ZBTB20: variants seen among roughly 807,000 people sequenced by gnomAD.
ZBTB20 encodes the protein zinc finger and BTB domain containing 20, also known as zinc finger and BTB domain-containing protein 20.
Under a neutral mutation model 56.9 loss-of-function variants are expected in ZBTB20, and 9 were observed. The observed-to-expected ratio is 0.16, with a 90% CI of 0.10 to 0.28. The LOEUF (loss-of-function observed/expected upper bound fraction) is 0.28. Among genes scored for constraint, ZBTB20 ranks in the 10% least tolerant of loss-of-function variants. The pLI is 1.00. For missense variants in ZBTB20, 655 were observed against 1,003.0 expected (o/e 0.65, Z 4.69); for synonymous variants, 417 against 420.7 (o/e 0.99, Z 0.11).
At position 114,327,518 on chromosome 3, in the gene ZBTB20, A is replaced by C. The variant is rs1192377398; in HGVS notation, c.*11487T>G. Reference sequence around the variant, plus strand: ...TAGGATTGATTGGGAGAACATTCCAAGTGAAGATCATAGTCCTAAGCAATG... The same window carrying C: ...TAGGATTGATTGGGAGAACATTCCACGTGAAGATCATAGTCCTAAGCAATG... On this transcript the variant is annotated 3_prime_UTR_variant, in exon 12 of 12. Coordinates refer to ENST00000675478, the MANE Select transcript of ZBTB20 (RefSeq NM_001348800.3). 6.6e-6 allele frequency: 1 copy of C among 152,192 alleles called. No homozygotes were observed. 9.4% of individuals were successfully genotyped at this position (152,192 alleles called of 1,614,324 possible). A position where few individuals can be genotyped will look rare whatever the true frequency, so the allele number is the denominator to read the frequency against.
At chr3:114,965,209 GTTTT>G (rs1424465151) in intron 3 of ZBTB20, among the ~76,000 whole-genome samples, 2 of 151,980 alleles carry the variant, frequency 1.3e-5, no homozygotes, top group Non-Finnish European at 2.9e-5. Flanking sequence ...TGTTGTTTTT[GTTTT>G]TTAAATTTTA....
At chr3:114,622,948 G>A (rs777941111) in intron 6 of ZBTB20, among the ~76,000 whole-genome samples, 1 of 152,166 alleles carries the variant, frequency 6.6e-6, no homozygotes, top group Non-Finnish European at 1.5e-5. Context: ...AACCATATTG[G>A]CGACATCAAA....
chr3:114,979,329 C>A (rs2108078064), intron 2 of ZBTB20, among the ~76,000 whole-genome samples: 1 of 152,072 alleles, frequency 6.6e-6, no homozygotes, highest in South Asian at 2.1e-4. Context: ...TGCTCCAAAT[C>A]AGTTTTGGAA....
Position 114,969,862 on chromosome 3 carries a change from T to C in ZBTB20, c.-456+4504A>G, listed in dbSNP as rs143626195. ...CCAATACTTCATGTACCAAGAGATTTTTCTGATACATGTAAATATGCATAG... is the reference window on the plus strand; with the variant it reads ...CCAATACTTCATGTACCAAGAGATTCTTCTGATACATGTAAATATGCATAG... On this transcript the variant is annotated intron_variant, in intron 3 of 11. Transcript: ENST00000675478. 6.6e-5 allele frequency among the ~76,000 whole-genome samples: 10 copies of C among 152,346 alleles called. No individual in the cohort carries two copies. In the East Asian group the frequency reaches 1.9e-3, roughly 29 times the overall value.
At chr3:114,405,100 C>A (rs1329659546) in intron 7 of ZBTB20, among the ~76,000 whole-genome samples, 1 of 151,926 alleles carries the variant, frequency 6.6e-6, no homozygotes, top group African/African-American at 2.4e-5. Flanking sequence ...AAAAAAAAAT[C>A]CTAGCTTTAA....
intron 5 of ZBTB20, among the ~76,000 whole-genome samples, chr3:114,778,175 A>G (rs1381096769): frequency 6.7e-6 from 1 of 150,282 alleles, no homozygotes; most frequent in African/African-American, 2.4e-5. Context: ...CAGCACACCA[A>G]CATGGCACAT....
chr3:114,624,358 CAAA>C (rs368690191), intron 6 of ZBTB20, among the ~76,000 whole-genome samples: 1 of 123,068 alleles, frequency 8.1e-6, no homozygotes. Flanking sequence ...GTAAGAGAAA[CAAA>C]AAAAAAAAAA....
At chr3:114,655,764 C>G (rs2060378287) in intron 6 of ZBTB20, among the ~76,000 whole-genome samples, 1 of 152,108 alleles carries the variant, frequency 6.6e-6, no homozygotes. Flanking sequence ...TTACTGCCAC[C>G]CAGTACTTTG....
At chr3:114,558,490 T>C (rs2051551817) in intron 6 of ZBTB20, among the ~76,000 whole-genome samples, 1 of 152,098 alleles carries the variant, frequency 6.6e-6, no homozygotes, top group Non-Finnish European at 1.5e-5. Context: ...ACATGCTACA[T>C]GATTCATCTC....
Position 114,380,238 on chromosome 3 carries a change from C to A in ZBTB20, c.178G>T (p.Ala60Ser), listed in dbSNP as rs1484611510. ...TCACAATCAGATGACCCGGTGTGAG[C>A]GTGAGAGTTTGTCAGTGAATGTGTT... ...HSTHSLTNSH[A>S]HTGSSDCDIS... is the part of the protein sequence containing the mutation. The change falls in exon 10 of 12, where the codon GCT becomes TCT. Residue 60 changes from alanine to serine, a missense_variant. Coordinates refer to ENST00000675478, the MANE Select transcript of ZBTB20 (RefSeq NM_001348800.3). 6.5e-7 allele frequency: 1 copy of A among 1,536,670 alleles called. No homozygotes were observed. The highest frequency in any genetic ancestry group is 8.7e-7 in the Non-Finnish European group (1 of 1,146,656).
intron 5 of ZBTB20, among the ~76,000 whole-genome samples, chr3:114,730,935 A>G (rs951845141): frequency 1.2e-4 from 18 of 152,240 alleles, no homozygotes; most frequent in Non-Finnish European, 2.1e-4. Flanking sequence ...CAAGGATTCA[A>G]TAAGTGGCAT....
intron 6 of ZBTB20, among the ~76,000 whole-genome samples, chr3:114,539,734 C>T (rs2048893199): frequency 6.6e-6 from 1 of 152,044 alleles, no homozygotes; most frequent in South Asian, 2.1e-4. Context: ...AGGCTATACC[C>T]ACCCTTCCAG....
At chr3:114,558,083 T>A (rs1475752301) in intron 6 of ZBTB20, among the ~76,000 whole-genome samples, 1 of 152,054 alleles carries the variant, frequency 6.6e-6, no homozygotes, top group Non-Finnish European at 1.5e-5. Flanking sequence ...TCATTCAAAT[T>A]ACATTACCTA....
intron 6 of ZBTB20, among the ~76,000 whole-genome samples, chr3:114,513,497 G>T (rs2045640496): frequency 6.6e-6 from 1 of 152,182 alleles, no homozygotes; most frequent in South Asian, 2.1e-4. Context: ...GGTAGGGGGT[G>T]TGTAGAACTA....
chr3:114,859,861 T>C (rs1488569585), intron 4 of ZBTB20, among the ~76,000 whole-genome samples: 1 of 152,210 alleles, frequency 6.6e-6, no homozygotes, highest in Non-Finnish European at 1.5e-5. Context: ...TCTCTGCTAT[T>C]CTATATATAT....
intron 3 of ZBTB20, among the ~76,000 whole-genome samples, chr3:114,973,993 A>G (rs1300598372): frequency 6.6e-6 from 1 of 151,936 alleles, no homozygotes; most frequent in Non-Finnish European, 1.5e-5. Flanking sequence ...TGTTACTGAC[A>G]TTCTGACTTT....
At chr3:115,104,953 T>C (rs998980881) in intron 1 of ZBTB20, among the ~76,000 whole-genome samples, 2 of 152,110 alleles carry the variant, frequency 1.3e-5, no homozygotes, top group African/African-American at 4.8e-5. Flanking sequence ...TGTGCATGTG[T>C]GAAGGCAGGG....
chr3:114,629,765 T>C (rs2058838744), intron 6 of ZBTB20, among the ~76,000 whole-genome samples: 1 of 152,202 alleles, frequency 6.6e-6, no homozygotes, highest in Non-Finnish European at 1.5e-5. Flanking sequence ...AGAGACCATA[T>C]AGCAATTTGA....
intron 4 of ZBTB20, among the ~76,000 whole-genome samples, chr3:114,871,634 T>C (rs1405324358): frequency 1.3e-5 from 2 of 152,130 alleles, no homozygotes; most frequent in Non-Finnish European, 2.9e-5. Context: ...ATATGTGGTT[T>C]AGGAAGATGA....
Sources: allele counts gnomAD v4.1 joint callset (sites outside exome capture counted in the v4.1 genomes callset), GRCh38; gene constraint gnomAD v4.1.1; transcripts MANE v1.5; gene names NCBI Gene and HGNC (gene_info 2026-07-23, HGNC 2026-07-21).